Variants in WSCD2 observed in about 807,000 individuals in gnomAD.
WSCD2 encodes sialate:O-sulfotransferase 2.
Under a neutral mutation model 55.7 loss-of-function variants are expected in WSCD2, and 28 were observed. That is an observed-to-expected ratio of 0.50 (90% CI 0.37 to 0.69). The LOEUF (loss-of-function observed/expected upper bound fraction) is 0.69. Ranked by LOEUF, WSCD2 falls within the 30% of genes least tolerant of loss-of-function variation. WSCD2 has a pLI of 0.00. For synonymous variants in WSCD2, 301 were observed against 301.9 expected (o/e 1.00, Z 0.03); for missense variants, 616 against 762.1 (o/e 0.81, Z 2.26).
chr12:108,152,831 G>T (rs1246476033), intron 1 of WSCD2, among the ~76,000 whole-genome samples: 1 of 152,212 alleles, frequency 6.6e-6, no homozygotes, highest in East Asian at 1.9e-4. Context: ...GGGCATGATG[G>T]CTCATGCCTG....
intron 6 of WSCD2, among the ~76,000 whole-genome samples, chr12:108,229,927 A>G (rs1011664698): frequency 6.6e-6 from 1 of 151,888 alleles, no homozygotes; most frequent in African/African-American, 2.4e-5. Flanking sequence ...GTGAACACAT[A>G]TATACTCATT....
intron 8 of WSCD2, among the ~76,000 whole-genome samples, chr12:108,245,799 T>C (rs912814211): frequency 6.6e-6 from 1 of 152,234 alleles, no homozygotes; most frequent in African/African-American, 2.4e-5. Flanking sequence ...TCTTAACCCA[T>C]TATAACAGTA....
At chr12:108,204,315 C>T (rs1286451173) in intron 2 of WSCD2, among the ~76,000 whole-genome samples, 1 of 152,110 alleles carries the variant, frequency 6.6e-6, no homozygotes, top group Non-Finnish European at 1.5e-5. Context: ...ACTTTACCCC[C>T]TCTCTTCCCT....
chr12:108,243,169 T>G (rs1889879565), intron 8 of WSCD2, among the ~76,000 whole-genome samples: 1 of 152,228 alleles, frequency 6.6e-6, no homozygotes, highest in East Asian at 1.9e-4. Flanking sequence ...TTGTTGGAAA[T>G]GCTAAAACCC....
At chr12:108,213,790 T>C (rs555808047) in intron 4 of WSCD2, among the ~76,000 whole-genome samples, 50 of 152,344 alleles carry the variant, frequency 3.3e-4, no homozygotes, top group African/African-American at 1.2e-3. Flanking sequence ...CCCAGGTCCA[T>C]GAATCCCAGT....
At chr12:108,232,471 G>A (rs932409417) in intron 6 of WSCD2, among the ~76,000 whole-genome samples, 6 of 152,022 alleles carry the variant, frequency 3.9e-5, no homozygotes, top group African/African-American at 1.4e-4. Context: ...TCCCTACTAT[G>A]GGCTAAGCAC....
chr12:108,213,401 G>T (rs1026821165), intron 4 of WSCD2, among the ~76,000 whole-genome samples: 28 of 152,174 alleles, frequency 1.8e-4, no homozygotes, highest in African/African-American at 6.0e-4. Flanking sequence ...TCTAATTCAT[G>T]ATCAAAAGTC....
intron 1 of WSCD2, among the ~76,000 whole-genome samples, chr12:108,190,425 G>GC (rs1883016719): frequency 1.3e-5 from 2 of 152,180 alleles, no homozygotes; most frequent in East Asian, 1.9e-4. Context: ...AACTGCCTCT[G>GC]CCCCCCAAGT....
rs542005600 is a variant in WSCD2, at chr12:108,163,145, C to A, written c.-551-32137C>A. Reference sequence around the variant, plus strand: ...AGATGGGTCTGATCTGATTCCAAGTCTGAGCTCGTAAAAAGTCTATACCAT... The same window carrying A: ...AGATGGGTCTGATCTGATTCCAAGTATGAGCTCGTAAAAAGTCTATACCAT... On this transcript the variant is annotated intron_variant, in intron 1 of 8. Transcript: ENST00000547525. 2.6e-5 allele frequency among the ~76,000 whole-genome samples: 4 copies of A among 152,260 alleles called. No individual in the cohort carries two copies. In the South Asian group the frequency reaches 8.3e-4, roughly 32 times the overall value.
intron 4 of WSCD2, among the ~76,000 whole-genome samples, chr12:108,212,509 C>G (rs1317291987): frequency 6.6e-6 from 1 of 151,974 alleles, no homozygotes; most frequent in Non-Finnish European, 1.5e-5. Context: ...TCTCTCCCCT[C>G]TCTCCTTCTC....
At chr12:108,186,900 A>G (rs1021881479) in intron 1 of WSCD2, among the ~76,000 whole-genome samples, 1 of 152,170 alleles carries the variant, frequency 6.6e-6, no homozygotes, top group Non-Finnish European at 1.5e-5. Flanking sequence ...GCTTGGTCCT[A>G]CGAGATCAAG....
rs1000124017 is a variant in WSCD2 at position 108,220,174 on chromosome 12, T to A, written c.683-4565T>A. Reference sequence around the variant, plus strand: ...CAGATACTGCCACTTGTCAGCTGTATGGCCTTGGGCAAGTCACTTCCCCTC... The same window carrying A: ...CAGATACTGCCACTTGTCAGCTGTAAGGCCTTGGGCAAGTCACTTCCCCTC... On this transcript the variant is annotated intron_variant, in intron 4 of 8. Transcript: ENST00000547525. Among the ~76,000 whole-genome samples the A allele has an allele frequency of 1.3e-5, 2 of 152,122 alleles. 1 individual carries two copies. Among genetic ancestry groups the A allele is most frequent in the Admixed American group, 1.3e-4 (2 of 15,286 alleles).
chr12:108,249,016 T>G lies in WSCD2; in HGVS notation c.*673T>G, dbSNP rs1393738440. The G allele has an allele frequency of 2.8e-6, 2 of 718,848 alleles. No homozygotes were observed. The highest frequency in any genetic ancestry group is 3.9e-5 in the African/African-American group (2 of 51,802). 44.5% of individuals were successfully genotyped at this position (718,848 alleles called of 1,614,324 possible). On this transcript the variant is annotated 3_prime_UTR_variant, in exon 9 of 9. Transcript: ENST00000547525. ...GCCACACTGCTTCTCAGAAATGAGC[T>G]GCTTGCCTTTCCACCTCCAGGGCAT... is the stretch of plus-strand genomic sequence containing the variant.
intron 2 of WSCD2, among the ~76,000 whole-genome samples, chr12:108,204,982 C>T (rs1344994600): frequency 1.3e-5 from 2 of 152,194 alleles, no homozygotes; most frequent in African/African-American, 4.8e-5. Context: ...CAAGTGCTGG[C>T]TGGATCCCCG....
chr12:108,232,966 G>A, intron 7 of WSCD2, 71 bp downstream of exon 7: 2 of 1,566,610 alleles, frequency 1.3e-6, no homozygotes, highest in Non-Finnish European at 1.7e-6. Context: ...TGGAGGGTAT[G>A]GGAATACTCC....
chr12:108,240,557 A>G lies in WSCD2; in HGVS notation c.1345+13A>G, dbSNP rs758809257. 4 of 778,962 alleles carry G rather than the reference A, an allele frequency of 5.1e-6. No individual in the cohort carries two copies. The allele number at this position is 778,962 out of a possible 1,614,324, so 48.3% of individuals were successfully genotyped here. On this transcript the variant is annotated intron_variant, in intron 8 of 8. Transcript: ENST00000547525. ...TGGAAGGGCAAAGGTACAGCTCGGG[A>G]GAGGAGGGGAGGGGAGGGGAGGGGC...
chr12:108,246,099 A>G (rs1890061006), intron 8 of WSCD2, among the ~76,000 whole-genome samples: 1 of 152,228 alleles, frequency 6.6e-6, no homozygotes, highest in Non-Finnish European at 1.5e-5. Context: ...GGAAAGATCC[A>G]TCCTGGAACC....
At chr12:108,216,082 CT>C (rs1886801254) in intron 4 of WSCD2, among the ~76,000 whole-genome samples, 1 of 152,124 alleles carries the variant, frequency 6.6e-6, no homozygotes, top group Admixed American at 6.5e-5. Flanking sequence ...GAATGGGGGT[CT>C]ATGGAGCCCA....
At chr12:108,150,772 G>T (rs905827362) in intron 1 of WSCD2, among the ~76,000 whole-genome samples, 1 of 152,152 alleles carries the variant, frequency 6.6e-6, no homozygotes, top group Non-Finnish European at 1.5e-5. Flanking sequence ...ACAAGTCCAG[G>T]TGCCAAGCCC....
Sources: allele counts gnomAD v4.1 joint callset (sites outside exome capture counted in the v4.1 genomes callset), GRCh38; gene constraint gnomAD v4.1.1; transcripts MANE v1.5; gene names NCBI Gene and HGNC (gene_info 2026-07-23, HGNC 2026-07-21).